Variants in FBXO25 observed in about 807,000 individuals in gnomAD.
FBXO25 encodes F-box only protein 25.
Under a neutral mutation model 51.9 loss-of-function variants are expected in FBXO25, and 45 were observed. The ratio of observed to expected loss-of-function variants is 0.87; its 90% CI spans 0.68 to 1.11. The LOEUF is 1.11. Among genes scored for constraint, FBXO25 ranks in the 50% most tolerant of loss-of-function variants. The pLI is 0.00. For synonymous variants in FBXO25, 199 were observed against 151.0 expected, an observed-to-expected ratio of 1.32 and a Z score of -2.33; for missense variants, 507 against 428.5, an observed-to-expected ratio of 1.18 and a Z score of -1.62.
chr8:462,661 C>T (rs553504179), intron 8 of FBXO25, among the ~76,000 whole-genome samples: 2 of 151,844 alleles, frequency 1.3e-5, no homozygotes, highest in African/African-American at 2.4e-5. Flanking sequence ...AACCAAATAT[C>T]ATATGTTCTC....
chr8:417,189 C>G (rs1296694744), intron 2 of FBXO25, among the ~76,000 whole-genome samples: 1 of 152,142 alleles, frequency 6.6e-6, no homozygotes, highest in Non-Finnish European at 1.5e-5. Flanking sequence ...CTGTGAAGTA[C>G]CTGTTGTCAT....
Position 474,035 on chromosome 8 carries a change from C to T in FBXO25, c.*5231C>T, listed in dbSNP as rs1800567881. ...TGTGCAACCTTCTCTACCACGTATC[C>T]ACAAGTTCAACTTTACAAGATGAAC... On this transcript the variant is annotated 3_prime_UTR_variant, in exon 10 of 10. Transcript: ENST00000350302. 1 of 152,228 alleles carries T rather than the reference C, an allele frequency of 6.6e-6. No homozygotes were observed. The highest frequency in any genetic ancestry group is 6.5e-5 in the Admixed American group (1 of 15,274). The allele number at this position is 152,228 out of a possible 1,614,324, so 9.4% of individuals were successfully genotyped here. A position where few individuals can be genotyped will look rare whatever the true frequency, so the allele number is the denominator to read the frequency against.
chr8:476,151 G>GTAA lies in FBXO25; in HGVS notation c.*7350_*7352dup, dbSNP rs1800635610. On this transcript the variant is annotated 3_prime_UTR_variant, in exon 10 of 10. Transcript: ENST00000350302. The stretch of plus-strand genomic sequence containing the variant: ...CATTTTTTTCCTTCATTCTATTAAT[G>GTAA]TAATAGACATTACATTTATTGACTT... 1 of 151,738 alleles carries GTAA rather than the reference G, an allele frequency of 6.6e-6. No individual in the cohort carries two copies. Among genetic ancestry groups the GTAA allele is most frequent in the African/African-American group, 2.4e-5 (1 of 41,258 alleles). 9.4% of individuals were successfully genotyped at this position (151,738 alleles called of 1,614,324 possible). A position where few individuals can be genotyped will look rare whatever the true frequency, so the allele number is the denominator to read the frequency against.
At chr8:459,772 T>A (rs1349388288) in intron 8 of FBXO25, among the ~76,000 whole-genome samples, 1 of 152,092 alleles carries the variant, frequency 6.6e-6, no homozygotes, top group Admixed American at 6.6e-5. Flanking sequence ...GGGATCAGCC[T>A]GGGCAGGGCC....
chr8:445,360 G>A (rs1798673319), intron 5 of FBXO25, among the ~76,000 whole-genome samples: 1 of 152,132 alleles, frequency 6.6e-6, no homozygotes, highest in Admixed American at 6.5e-5. Flanking sequence ...TATCTCCCAG[G>A]GAACACATAT....
chr8:466,988 G>T (rs1352569744), intron 9 of FBXO25, among the ~76,000 whole-genome samples: 1 of 152,176 alleles, frequency 6.6e-6, no homozygotes, highest in Non-Finnish European at 1.5e-5. Flanking sequence ...TTTTCTTGGT[G>T]TATCAGTTGC....
intron 5 of FBXO25, among the ~76,000 whole-genome samples, chr8:447,699 G>A (rs1414835636): frequency 6.6e-6 from 1 of 152,156 alleles, no homozygotes; most frequent in Non-Finnish European, 1.5e-5. Context: ...ATTCATGTAT[G>A]TTTCACATAC....
At chr8:459,071 G>A (rs1187548658) in intron 8 of FBXO25, among the ~76,000 whole-genome samples, 1 of 152,158 alleles carries the variant, frequency 6.6e-6, no homozygotes, top group Non-Finnish European at 1.5e-5. Context: ...GCCTTTGCAG[G>A]GTGGTCTGCT....
At position 451,407 on chromosome 8, in the gene FBXO25, C is replaced by T. The variant is rs755783388; in HGVS notation, c.614C>T (p.Thr205Ile). ...NINIWICRLE[T>I]ILAWQQQLQD... ...AATATTTGGATTTGCCGATTAGAAA[C>T]TATTCTCGCCTGGCAACAACAGCTA... The change falls in exon 7 of 10, where the codon ACT becomes ATT. Residue 205 changes from threonine to isoleucine, a missense_variant. Thr to Ile is a moderately conservative substitution (Grantham distance 89). Coordinates refer to ENST00000350302, the MANE Select transcript of FBXO25 (RefSeq NM_183420.2). 4 of 1,613,922 alleles carry T rather than the reference C, an allele frequency of 2.5e-6. No individual in the cohort carries two copies. Among genetic ancestry groups the T allele is most frequent in the Non-Finnish European group, 3.4e-6 (4 of 1,179,934 alleles).
chr8:468,050 G>C (rs1377261769), intron 9 of FBXO25: 2 of 1,211,552 alleles, frequency 1.7e-6, no homozygotes, highest in Non-Finnish European at 2.1e-6. Context: ...GCCATGGAGA[G>C]ATCCAGCACT....
intron 9 of FBXO25, among the ~76,000 whole-genome samples, chr8:464,198 T>C (rs1324286240): frequency 2.0e-5 from 3 of 152,220 alleles, no homozygotes; most frequent in Non-Finnish European, 4.4e-5. Context: ...AAGCAATATC[T>C]ATGTGCCCCA....
chr8:410,266 G>T (rs1340579248), intron 1 of FBXO25, among the ~76,000 whole-genome samples: 4 of 152,136 alleles, frequency 2.6e-5, no homozygotes, highest in Admixed American at 6.5e-5. Flanking sequence ...TATGGAATTT[G>T]TGTGTGTTTT....
rs900915806 is a variant in FBXO25 at position 474,161 on chromosome 8, T to C, written c.*5357T>C. ...CAGCCTCTGTTCTCCTTTGTCTCTT[T>C]TAATTTGACTTCTGTAGGGACCTCG... On this transcript the variant is annotated 3_prime_UTR_variant, in exon 10 of 10. Transcript: ENST00000350302. The C allele has an allele frequency of 2.6e-5, 4 of 156,012 alleles. No individual in the cohort carries two copies. The East Asian group carries it at 7.5e-4, about 29-fold the overall frequency. The allele number at this position is 156,012 out of a possible 1,614,324, so 9.7% of individuals were successfully genotyped here.
At chr8:407,777 C>T (rs1796253648) in intron 1 of FBXO25, among the ~76,000 whole-genome samples, 1 of 152,194 alleles carries the variant, frequency 6.6e-6, no homozygotes, top group Admixed American at 6.5e-5. Context: ...CTGGCTCTGT[C>T]TCTGTCTCCT....
At chr8:433,059 G>A (rs1797909168) in intron 4 of FBXO25, 124 bp downstream of exon 4, 10 of 1,222,946 alleles carry the variant, frequency 8.2e-6, no homozygotes. Flanking sequence ...CAGATCTATG[G>A]TTCACATTCT....
At chr8:445,388 C>T (rs1410369690) in intron 5 of FBXO25, among the ~76,000 whole-genome samples, 1 of 152,190 alleles carries the variant, frequency 6.6e-6, no homozygotes, top group Non-Finnish European at 1.5e-5. Context: ...TCTGGTATTT[C>T]TTCCCCTAGT....
At chr8:461,526 C>A (rs1039117683) in intron 8 of FBXO25, among the ~76,000 whole-genome samples, 3 of 152,086 alleles carry the variant, frequency 2.0e-5, no homozygotes, top group Non-Finnish European at 4.4e-5. Flanking sequence ...AGACTTGCCC[C>A]CATGATTCAG....
chr8:463,180 C>G (rs776668190), intron 9 of FBXO25, 30 bp downstream of exon 9: 52 of 1,599,852 alleles, frequency 3.3e-5, no homozygotes, highest in Non-Finnish European at 3.7e-5. Context: ...CTTGGAATTT[C>G]AGGATTAAAT....
chr8:426,385 A>G (rs1349453264), intron 2 of FBXO25, among the ~76,000 whole-genome samples: 1 of 152,096 alleles, frequency 6.6e-6, no homozygotes, highest in Admixed American at 6.6e-5. Flanking sequence ...CTGGACCTGT[A>G]ATCCCTACTA....
Sources: allele counts gnomAD v4.1 joint callset (sites outside exome capture counted in the v4.1 genomes callset), GRCh38; gene constraint gnomAD v4.1.1; transcripts MANE v1.5; gene names NCBI Gene and HGNC (gene_info 2026-07-23, HGNC 2026-07-21).